The following IL12RB1 variants were observed in gnomAD, a reference collection of about 807,000 sequenced individuals.
IL12RB1 encodes the protein interleukin-12 receptor subunit beta-1.
Under a neutral mutation model 94.4 loss-of-function variants are expected in IL12RB1, and 64 were observed. The observed-to-expected ratio is 0.68, with a 90% CI of 0.55 to 0.83. The LOEUF is 0.83. IL12RB1 is among the 40% of genes least tolerant of loss of function. The pLI, the probability that IL12RB1 is intolerant of heterozygous loss-of-function variation, is 0.00. For missense variants in IL12RB1, 814 were observed against 855.6 expected (o/e 0.95, Z 0.61); for synonymous variants, 362 against 355.5 (o/e 1.02, Z -0.21).
chr19:18,090,692 G>C (rs2036590862), upstream of IL12RB1: 1 of 152,398 alleles, frequency 6.6e-6, no homozygotes, highest in Admixed American at 6.5e-5. Context: ...GGCTTGGCTT[G>C]CAGTGAGCGC....
chr19:18,069,254 C>T (rs1468947415), intron 10 of IL12RB1, among the ~76,000 whole-genome samples: 2 of 152,198 alleles, frequency 1.3e-5, no homozygotes, highest in African/African-American at 4.8e-5. Context: ...CTGCCACCTT[C>T]CCTGGCGCGG....
chr19:18,072,384 T>A, intron 8 of IL12RB1, 35 bp from the exon 9 acceptor site: 1 of 1,351,674 alleles, frequency 7.4e-7, no homozygotes, highest in Non-Finnish European at 1.1e-6. Flanking sequence ...TGTGGGTACC[T>A]GATCACACTC....
intron 6 of IL12RB1, 108 bp from the exon 7 acceptor site, chr19:18,075,976 TGC>T: frequency 9.0e-7 from 1 of 1,112,924 alleles, no homozygotes; most frequent in Non-Finnish European, 1.4e-6. Context: ...CAGAGCCACG[TGC>T]TGGGTCCTGG....
chr19:18,080,934 C>T lies in IL12RB1; in HGVS notation c.307G>A (p.Ala103Thr). The change falls in exon 4 of 17, where the codon GCT becomes ACT. Residue 103 changes from alanine (A) to threonine (T), a missense_variant. Ala to Thr is a moderately conservative substitution (Grantham distance 58). Coordinates refer to ENST00000593993, the MANE Select transcript of IL12RB1 (RefSeq NM_005535.3). ...ACAGTGTACAGCACAGACACCCCAG[C>T]CTGGTCGGAGAACTGCAGCCTGGTG... The part of the protein sequence containing the change: ...SATRLQFSDQ[A>T]GVSVLYTVTL... The T allele has an allele frequency of 6.2e-7, 1 of 1,613,986 alleles. No homozygotes were observed. The highest frequency in any genetic ancestry group is 8.5e-7 in the Non-Finnish European group (1 of 1,179,918).
At chr19:18,064,062 G>A (rs372153488) in intron 12 of IL12RB1, 52 bp from the exon 13 acceptor site, 40 of 1,391,716 alleles carry the variant, frequency 2.9e-5, no homozygotes, top group Non-Finnish European at 3.9e-5. Flanking sequence ...CTCCTCAGAG[G>A]CCAGGCTGGG....
chr19:18,094,484 A>G (rs915964214), intron 1 of IL12RB1, among the ~76,000 whole-genome samples: 3 of 152,140 alleles, frequency 2.0e-5, no homozygotes, highest in Admixed American at 2.0e-4. Context: ...GCATACTTAC[A>G]CTGAAAAAAC....
intron 13 of IL12RB1, 91 bp downstream of exon 13, chr19:18,063,785 T>G: frequency 6.2e-5 from 74 of 1,191,428 alleles, no homozygotes; most frequent in Non-Finnish European, 8.2e-5. Context: ...ATAGAGGGAG[T>G]GAGAGTGAGG....
chr19:18,062,211 A>G lies in IL12RB1; in HGVS notation c.1685T>C (p.Val562Ala). The G allele has an allele frequency of 1.2e-6, 2 of 1,613,436 alleles. No homozygotes were observed. Among genetic ancestry groups the G allele is most frequent in the South Asian group, 1.1e-5 (1 of 91,070 alleles). The stretch of plus-strand genomic sequence containing the variant: ...CAGGCCAAGGTAGCCAAGGACGCCC[A>G]CGAGAAGGATGCTCAGGAAGCTCCC... Reference protein sequence around the residue: ...SLGSFLSILLVGVLGYLGLNR... With the variant: ...SLGSFLSILLAGVLGYLGLNR... The change falls in exon 14 of 17, where the codon GTG (valine) becomes GCG (alanine). Residue 562 changes from valine (V) to alanine (A), a missense_variant. Coordinates refer to ENST00000593993, the MANE Select transcript of IL12RB1 (RefSeq NM_005535.3).
chr19:18,072,063 C>T (rs757757577), intron 9 of IL12RB1, 49 bp downstream of exon 9: 1 of 1,267,058 alleles, frequency 7.9e-7, no homozygotes, highest in South Asian at 1.2e-5. Flanking sequence ...AGAGTAGGTG[C>T]TCAGCTCTGA....
chr19:18,082,302 TC>T (rs1568518115), intron 2 of IL12RB1, 38 bp from the exon 3 acceptor site: 1 of 1,212,286 alleles, frequency 8.2e-7, no homozygotes, highest in South Asian at 1.2e-5. Context: ...CAGACCAGAG[TC>T]TGGAGGGGTC....
chr19:18,091,868 C>CTTTTTTTT (rs1264996682), upstream of IL12RB1, among the ~76,000 whole-genome samples: 11 of 120,468 alleles, frequency 9.1e-5, no homozygotes, highest in Admixed American at 2.6e-4. Context: ...CCTGGCTTTT[C>CTTTTTTTT]TTTTTTTTTT....
intron 1 of IL12RB1, among the ~76,000 whole-genome samples, chr19:18,098,100 C>G (rs2037154736): frequency 6.6e-6 from 1 of 152,112 alleles, no homozygotes; most frequent in Admixed American, 6.5e-5. Flanking sequence ...CTGCCCCTCC[C>G]CACCAGCTGT....
chr19:18,098,763 C>A, exon 1 of IL12RB1: 1 of 456,716 alleles, frequency 2.2e-6, no homozygotes, highest in South Asian at 1.5e-5. Context: ...ACCCAACGAA[C>A]ATTTATGGAG....
At chr19:18,063,334 G>A (rs1352327905) in intron 13 of IL12RB1, among the ~76,000 whole-genome samples, 1 of 151,912 alleles carries the variant, frequency 6.6e-6, no homozygotes, top group East Asian at 1.9e-4. Flanking sequence ...CTCGGCTCAA[G>A]CAATCCTCCA....
chr19:18,089,065 A>C (rs1429348118), upstream of IL12RB1, among the ~76,000 whole-genome samples: 7 of 151,360 alleles, frequency 4.6e-5, no homozygotes, highest in East Asian at 5.8e-4. Flanking sequence ...AAAAAAAAAA[A>C]CCCATCATGC....
chr19:18,062,055 T>C, intron 14 of IL12RB1, 126 bp downstream of exon 14: 1 of 667,912 alleles, frequency 1.5e-6, no homozygotes. Context: ...CTTCTACCTC[T>C]GGCTTGCCCT....
chr19:18,084,246 C>T (rs1482842948), intron 1 of IL12RB1, among the ~76,000 whole-genome samples: 8 of 143,544 alleles, frequency 5.6e-5, no homozygotes, highest in African/African-American at 1.6e-4. Flanking sequence ...CATCCATCCA[C>T]GTATTCATCC....
At chr19:18,083,077 C>T (rs1225851444) in intron 2 of IL12RB1, 9 of 385,130 alleles carry the variant, frequency 2.3e-5, no homozygotes, top group African/African-American at 4.2e-5. Flanking sequence ...AACAAGACTC[C>T]GTCTCAAAAA....
intron 1 of IL12RB1, among the ~76,000 whole-genome samples, chr19:18,098,396 T>C (rs2037199485): frequency 6.6e-6 from 1 of 152,120 alleles, no homozygotes; most frequent in Non-Finnish European, 1.5e-5. Flanking sequence ...ACCAGCTCTC[T>C]TACGGCACAA....
Sources: gnomAD v4.1 joint callset for allele counts (sites outside exome capture counted in the v4.1 genomes callset) on GRCh38, gnomAD v4.1.1 for gene constraint, MANE v1.5 for transcripts, NCBI Gene and HGNC (gene_info 2026-07-23, HGNC 2026-07-21) for gene names.